The following TMBIM6 variants were observed in gnomAD, a reference collection of about 807,000 sequenced individuals.
The protein encoded by TMBIM6 is transmembrane BAX inhibitor motif containing 6, also known as bax inhibitor 1.
A neutral mutation model predicts 31.4 loss-of-function variants in TMBIM6; 13 were observed. That is an observed-to-expected ratio of 0.41 (90% confidence interval 0.27 to 0.66). TMBIM6 has a LOEUF of 0.66. TMBIM6 is among the 30% of genes least tolerant of loss of function. The pLI is 0.28. For synonymous variants in TMBIM6, 85 were observed against 101.7 expected (o/e 0.84, Z 0.99); for missense variants, 275 against 289.5 (o/e 0.95, Z 0.36).
At chr12:49,751,439 C>T (rs1945492357) in intron 1 of TMBIM6, among the ~76,000 whole-genome samples, 1 of 152,060 alleles carries the variant, frequency 6.6e-6, no homozygotes, top group South Asian at 2.1e-4. Flanking sequence ...TTTAGGAAAT[C>T]TGGGTGAAGG....
At chr12:49,748,742 C>T (rs372188206) in intron 1 of TMBIM6, among the ~76,000 whole-genome samples, 199 of 152,256 alleles carry the variant, frequency 1.3e-3, no homozygotes, top group South Asian at 0.011. Context: ...ACATTGTATT[C>T]TATGTAAATA....
intron 8 of TMBIM6, among the ~76,000 whole-genome samples, chr12:49,761,500 T>C (rs1225503956): frequency 6.6e-6 from 1 of 152,228 alleles, no homozygotes; most frequent in Non-Finnish European, 1.5e-5. Context: ...CCACTGTGCC[T>C]GGCCCAGTCT....
chr12:49,742,265 G>C (rs1945311094), intron 1 of TMBIM6: 1 of 1,604,234 alleles, frequency 6.2e-7, no homozygotes, highest in African/African-American at 1.3e-5. Flanking sequence ...TTTTCGGATT[G>C]GTTACCTTTG....
At chr12:49,754,413 A>G (rs1592727576) in intron 3 of TMBIM6, among the ~76,000 whole-genome samples, 1 of 152,218 alleles carries the variant, frequency 6.6e-6, no homozygotes, top group Non-Finnish European at 1.5e-5. Flanking sequence ...TTCCGGCATG[A>G]GTTGTACTGC....
intron 1 of TMBIM6, among the ~76,000 whole-genome samples, chr12:49,750,101 T>C (rs1051261139): frequency 3.3e-5 from 5 of 152,186 alleles, no homozygotes; most frequent in African/African-American, 9.6e-5. Context: ...CACACAGCCT[T>C]TGATGGTTTT....
chr12:49,758,494 G>A lies in TMBIM6; in HGVS notation c.433+14G>A. The A allele has an allele frequency of 1.2e-6, 2 of 1,613,068 alleles. No individual in the cohort carries two copies. Among genetic ancestry groups the A allele is most frequent in the Non-Finnish European group, 1.7e-6 (2 of 1,179,086 alleles). On this transcript the variant is annotated intron_variant, in intron 6 of 9. Coordinates refer to ENST00000267115, the MANE Select transcript of TMBIM6 (RefSeq NM_003217.3). ...TCTTTCTGGGAGGTAAGTGTGAACT[G>A]GGAAACAGGGAATGGGGGCTCCTTT...
At position 49,763,235 on chromosome 12, in the gene TMBIM6, C is replaced by T. The variant is rs11540521; in HGVS notation, c.*339C>T. ...GTCCGCTTTCCCACCAGGCTTCATT[C>T]ACCCAGTGGACCTGAACTGTTTGGT... is the stretch of plus-strand genomic sequence containing the variant. On this transcript the variant is annotated 3_prime_UTR_variant, in exon 10 of 10. Coordinates refer to ENST00000267115, the MANE Select transcript of TMBIM6 (RefSeq NM_003217.3). 4.1e-6 allele frequency: 1 copy of T among 243,218 alleles called. No homozygotes were observed. The highest frequency in any genetic ancestry group is 7.4e-5 in the East Asian group (1 of 13,466). 15.1% of individuals were successfully genotyped at this position (243,218 alleles called of 1,614,324 possible).
chr12:49,741,960 CA>C, intron 1 of TMBIM6: 2 of 922,694 alleles, frequency 2.2e-6, no homozygotes, highest in Non-Finnish European at 3.2e-6. Flanking sequence ...AGTGTAGACG[CA>C]GGGCCCCTTG....
intron 1 of TMBIM6, among the ~76,000 whole-genome samples, chr12:49,742,908 C>T (rs1945323347): frequency 6.6e-6 from 1 of 151,736 alleles, no homozygotes; most frequent in Non-Finnish European, 1.5e-5. Context: ...GAAATACAAT[C>T]TGTACTTTTG....
At chr12:49,744,566 G>A (rs1945356020) in intron 1 of TMBIM6, 1 of 152,212 alleles carries the variant, frequency 6.6e-6, no homozygotes, top group African/African-American at 2.4e-5. Context: ...TGAGCCAGCT[G>A]GGGAATGTTG....
At chr12:49,760,684 T>A (rs1032662987) in intron 8 of TMBIM6, among the ~76,000 whole-genome samples, 3 of 151,510 alleles carry the variant, frequency 2.0e-5, no homozygotes, top group African/African-American at 4.9e-5. Flanking sequence ...TTACAGGCAC[T>A]CTCCACCACG....
intron 4 of TMBIM6, among the ~76,000 whole-genome samples, chr12:49,756,304 T>C: frequency 6.6e-6 from 1 of 150,654 alleles, no homozygotes; most frequent in East Asian, 2.0e-4. Flanking sequence ...CCCGGCTAAT[T>C]TTTGTATTTT....
At chr12:49,758,144 CTA>C in intron 4 of TMBIM6, 81 bp from the exon 5 acceptor site, 1 of 1,471,410 alleles carries the variant, frequency 6.8e-7, no homozygotes, top group Non-Finnish European at 9.5e-7. Context: ...ATGAGTATGC[CTA>C]TATTTCGGGA....
chr12:49,750,217 C>T (rs184935771), intron 1 of TMBIM6, among the ~76,000 whole-genome samples: 1 of 152,132 alleles, frequency 6.6e-6, no homozygotes, highest in African/African-American at 2.4e-5. Context: ...TGCCATTCTC[C>T]CCTCGAACAG....
chr12:49,749,435 A>ATTTTTTT lies in TMBIM6; in HGVS notation c.-30-3024_-30-3023insTTTTTTT, dbSNP rs372622355. 3.8e-3 allele frequency among the ~76,000 whole-genome samples: 518 copies of ATTTTTTT among 136,360 alleles called. 9 individuals carry two copies. Among genetic ancestry groups the ATTTTTTT allele is most frequent in the Admixed American group, 7.3e-3 (104 of 14,270 alleles). 89.5% of individuals were successfully genotyped at this position (136,360 alleles called of 152,430 possible). A position where few individuals can be genotyped will look rare whatever the true frequency, so the allele number is the denominator to read the frequency against. On this transcript the variant is annotated intron_variant, in intron 1 of 9. Transcript: ENST00000267115. The stretch of plus-strand genomic sequence containing the variant: ...GTAAGTCCTTTTCTTTTTGTAAGTC[A>ATTTTTTT]TTTTTGTTTTTTTTTGAAACGGAGT...
intron 3 of TMBIM6, among the ~76,000 whole-genome samples, 153 bp downstream of exon 3, chr12:49,753,234 C>T (rs889255121): frequency 3.3e-5 from 5 of 152,182 alleles, no homozygotes; most frequent in African/African-American, 1.2e-4. Context: ...ACATGTAAAG[C>T]CATTTTAATT....
rs1468703231 is a variant in TMBIM6, at chr12:49,763,625, T to A, written c.*729T>A. ...GTCAGGCATTTTTGAAAAGGCTGAT[T>A]ATGTGTATCAAGGTACAGCATCGTA... is the stretch of plus-strand genomic sequence containing the variant. On this transcript the variant is annotated 3_prime_UTR_variant, in exon 10 of 10. Coordinates refer to ENST00000267115, the MANE Select transcript of TMBIM6 (RefSeq NM_003217.3). 1.3e-5 allele frequency: 2 copies of A among 152,274 alleles called. No individual in the cohort carries two copies. Among genetic ancestry groups the A allele is most frequent in the African/African-American group, 4.8e-5 (2 of 41,470 alleles). 9.4% of individuals were successfully genotyped at this position (152,274 alleles called of 1,614,324 possible). A position where few individuals can be genotyped will look rare whatever the true frequency, so the allele number is the denominator to read the frequency against.
intron 4 of TMBIM6, 82 bp downstream of exon 4, chr12:49,755,837 CTTT>C (rs369987981): frequency 9.1e-4 from 1,020 of 1,118,608 alleles, no homozygotes; most frequent in Middle Eastern, 2.0e-3. Flanking sequence ...CTTTTTTTTT[CTTT>C]TTTTTTTTTT....
intron 1 of TMBIM6, chr12:49,742,602 T>C (rs1001027312): frequency 2.7e-5 from 6 of 218,952 alleles, no homozygotes; most frequent in African/African-American, 4.6e-5. Context: ...GATTTTAAGG[T>C]CAAAGGTAAA....
Sources: allele counts gnomAD v4.1 joint callset (sites outside exome capture counted in the v4.1 genomes callset), GRCh38; gene constraint gnomAD v4.1.1; transcripts MANE v1.5; gene names NCBI Gene and HGNC (gene_info 2026-07-23, HGNC 2026-07-21).